USP6NL: variants seen among roughly 807,000 people sequenced by gnomAD.
USP6NL encodes USP6 N-terminal-like protein.
In USP6NL, 26 loss-of-function variants were observed where a neutral mutation model predicts 61.9. The observed-to-expected ratio is 0.42, with a 90% CI of 0.31 to 0.58. The LOEUF (loss-of-function observed/expected upper bound fraction) is 0.58, where lower values mean the gene tolerates loss of function less well. Ranked by LOEUF, USP6NL falls within the 20% of genes least tolerant of loss-of-function variation. USP6NL has a pLI of 0.16. For synonymous variants in USP6NL, 432 were observed against 390.1 expected (o/e 1.11, Z -1.27); for missense variants, 1,114 against 1,034.3 (o/e 1.08, Z -1.06).
intron 7 of USP6NL, among the ~76,000 whole-genome samples, chr10:11,497,443 A>G (rs1332219538): frequency 1.3e-5 from 2 of 151,824 alleles, no homozygotes; most frequent in East Asian, 3.8e-4. Flanking sequence ...AAAAAACAAA[A>G]AAGATAATGG....
Position 11,462,271 on chromosome 10 carries a change from A to C in USP6NL, c.*170T>G, listed in dbSNP as rs1302414887. On this transcript the variant is annotated 3_prime_UTR_variant, in exon 15 of 15. Coordinates refer to ENST00000609104, the MANE Select transcript of USP6NL (RefSeq NM_014688.5). ...TGATGCAATTGAAACGCTCATCTTA[A>C]GCAGCATCTACGTGGGGCTGAAGAC... 11 of 781,852 alleles carry C rather than the reference A, an allele frequency of 1.4e-5. No homozygotes were observed. The highest frequency in any genetic ancestry group is 1.2e-4 in the South Asian group (6 of 50,234). 48.4% of individuals were successfully genotyped at this position (781,852 alleles called of 1,614,324 possible). A position where few individuals can be genotyped will look rare whatever the true frequency, so the allele number is the denominator to read the frequency against.
At chr10:11,505,824 T>C (rs557990397) in intron 6 of USP6NL, among the ~76,000 whole-genome samples, 110 of 152,360 alleles carry the variant, frequency 7.2e-4, no homozygotes, top group Non-Finnish European at 1.3e-3. Flanking sequence ...CTGAGTTTTG[T>C]GCGAGTGTGC....
chr10:11,508,455 T>C (rs1834552362), intron 6 of USP6NL, among the ~76,000 whole-genome samples: 1 of 152,172 alleles, frequency 6.6e-6, no homozygotes, highest in Non-Finnish European at 1.5e-5. Context: ...GCACCGATCA[T>C]AAAAAAGCTA....
At chr10:11,521,189 T>A (rs1835190544) in intron 4 of USP6NL, among the ~76,000 whole-genome samples, 2 of 151,792 alleles carry the variant, frequency 1.3e-5, no homozygotes, top group African/African-American at 4.8e-5. Flanking sequence ...TTGACTATAT[T>A]GACTAAATTT....
At chr10:11,509,143 G>C (rs1021647114) in intron 6 of USP6NL, among the ~76,000 whole-genome samples, 33 of 152,226 alleles carry the variant, frequency 2.2e-4, no homozygotes, top group African/African-American at 8.0e-4. Context: ...TGAAAAAGGA[G>C]ATTGCTCCTG....
chr10:11,490,708 G>A lies in USP6NL; in HGVS notation c.543+124C>T, dbSNP rs906395062. The A allele has an allele frequency of 2.1e-6, 2 of 932,414 alleles. No homozygotes were observed. The highest frequency in any genetic ancestry group is 3.4e-5 in the African/African-American group (2 of 58,816). The allele number at this position is 932,414 out of a possible 1,614,324, so 57.8% of individuals were successfully genotyped here. ...GGGTTTCAGCTTAAAAAGATCCACA[G>A]AGCTAAAGAGACCATGGAGACCACC... On this transcript the variant is annotated intron_variant, in intron 9 of 14. Transcript: ENST00000609104. This position sits in a 1 kb window ranked among gnomAD's most constrained non-coding sequence, Gnocchi z 4.5.
chr10:11,484,106 GA>G (rs1470874251), intron 13 of USP6NL, among the ~76,000 whole-genome samples: 2 of 152,200 alleles, frequency 1.3e-5, no homozygotes, highest in Admixed American at 6.5e-5. Flanking sequence ...AAGCGCAACA[GA>G]TCATTCAAGA....
At chr10:11,505,911 C>A (rs1834409990) in intron 6 of USP6NL, among the ~76,000 whole-genome samples, 1 of 152,206 alleles carries the variant, frequency 6.6e-6, no homozygotes, top group Non-Finnish European at 1.5e-5. Flanking sequence ...CCCTGCTCCA[C>A]TGGCTCCTTT....
At chr10:11,599,637 G>C (rs545278254) in intron 1 of USP6NL, among the ~76,000 whole-genome samples, 1 of 151,688 alleles carries the variant, frequency 6.6e-6, no homozygotes, top group African/African-American at 2.4e-5. Context: ...TTAGTTCTTA[G>C]AAACATTTAT....
chr10:11,521,398 T>G (rs1021458555), intron 4 of USP6NL, among the ~76,000 whole-genome samples: 69 of 149,600 alleles, frequency 4.6e-4, no homozygotes, highest in Non-Finnish European at 8.6e-4. Flanking sequence ...AATTTTTTTT[T>G]TAGACAGAGT....
rs1443837339 is a variant in USP6NL at position 11,528,797 on chromosome 10, G to C, written c.5-1230C>G. 6.6e-6 allele frequency among the ~76,000 whole-genome samples: 1 copy of C among 152,144 alleles called. No homozygotes were observed. Among genetic ancestry groups the C allele is most frequent in the Admixed American group, 6.5e-5 (1 of 15,268 alleles). On this transcript the variant is annotated intron_variant, in intron 2 of 14. Coordinates refer to ENST00000609104, the MANE Select transcript of USP6NL (RefSeq NM_014688.5). This position sits in a 1 kb window ranked among gnomAD's most constrained non-coding sequence, Gnocchi z 4.6. ...AAATCCCCTCCTCAAAGCAAATGGT[G>C]GTTCCTAAGGAGAGGTGGGGTTAAA... is the stretch of plus-strand genomic sequence containing the variant.
At position 11,513,462 on chromosome 10, in the gene USP6NL, T is replaced by C. The variant is rs906652551; in HGVS notation, c.196-3787A>G. 3.3e-5 allele frequency among the ~76,000 whole-genome samples: 5 copies of C among 152,258 alleles called. No homozygotes were observed. In the East Asian group the frequency reaches 9.6e-4, roughly 29 times the overall value. On this transcript the variant is annotated intron_variant, in intron 5 of 14. Coordinates refer to ENST00000609104, the MANE Select transcript of USP6NL (RefSeq NM_014688.5). This position sits in a 1 kb window ranked among gnomAD's most constrained non-coding sequence, Gnocchi z 4.7. ...CTGTTGGCTTCATACACAAACATCT[T>C]AGTTCTCTCAATTTGTATTTTGAAA...
chr10:11,593,368 C>G (rs968892486), intron 2 of USP6NL, among the ~76,000 whole-genome samples: 5 of 151,892 alleles, frequency 3.3e-5, no homozygotes, highest in Non-Finnish European at 5.9e-5. Context: ...ATATATTCTA[C>G]CAAAATAATC....
At chr10:11,604,034 C>G (rs1838635880) in intron 1 of USP6NL, among the ~76,000 whole-genome samples, 1 of 152,166 alleles carries the variant, frequency 6.6e-6, no homozygotes, top group South Asian at 2.1e-4. Context: ...TCTAGGAATT[C>G]AGACCAAGTC....
At position 11,489,016 on chromosome 10, in the gene USP6NL, G is replaced by A; in HGVS notation, c.664+86C>T. 1.3e-6 allele frequency: 2 copies of A among 1,552,006 alleles called. No individual in the cohort carries two copies. Among genetic ancestry groups the A allele is most frequent in the African/African-American group, 2.7e-5 (2 of 73,610 alleles). On this transcript the variant is annotated intron_variant, in intron 10 of 14. Coordinates refer to ENST00000609104, the MANE Select transcript of USP6NL (RefSeq NM_014688.5). The surrounding 1 kb of genome is among the most constrained non-coding windows in gnomAD (Gnocchi z 5.7). ...CCCTGAGACATTAAATTTGCTGTAT[G>A]TAACTCTTGCAAGCATCTTTGGTTT...
chr10:11,588,405 C>A (rs575732911), intron 2 of USP6NL, among the ~76,000 whole-genome samples: 2 of 152,184 alleles, frequency 1.3e-5, no homozygotes, highest in South Asian at 4.1e-4. Flanking sequence ...CGGAACCATA[C>A]ACTGAGGTAC....
rs185238455 is a variant in USP6NL, at chr10:11,589,327, T to C, written c.4+8304A>G. ...TGAAAATTAAATTCAATATCTGCTGTACCATAATTGTCAAAAGTAAACAGT... is the reference window on the plus strand; with the variant it reads ...TGAAAATTAAATTCAATATCTGCTGCACCATAATTGTCAAAAGTAAACAGT... On this transcript the variant is annotated intron_variant, in intron 2 of 14. Coordinates refer to ENST00000609104, the MANE Select transcript of USP6NL (RefSeq NM_014688.5). This position sits in a 1 kb window ranked among gnomAD's most constrained non-coding sequence, Gnocchi z 4.7. 1.7e-3 allele frequency among the ~76,000 whole-genome samples: 256 copies of C among 152,356 alleles called. 1 individual carries two copies. The highest frequency in any genetic ancestry group is 2.8e-3 in the Non-Finnish European group (190 of 68,028).
At chr10:11,502,195 C>T (rs907010820) in intron 6 of USP6NL, among the ~76,000 whole-genome samples, 2 of 150,348 alleles carry the variant, frequency 1.3e-5, no homozygotes, top group Non-Finnish European at 3.0e-5. Context: ...GGAGGCAGAG[C>T]TTGCAGTGAG....
chr10:11,594,901 C>A (rs1203877076), intron 2 of USP6NL, among the ~76,000 whole-genome samples: 1 of 152,122 alleles, frequency 6.6e-6, no homozygotes, highest in African/African-American at 2.4e-5. Flanking sequence ...AACATACAAG[C>A]AAATAAGCAG....
Sources: allele counts gnomAD v4.1 joint callset (sites outside exome capture counted in the v4.1 genomes callset), GRCh38; gene constraint gnomAD v4.1.1; non-coding constraint Gnocchi (gnomAD v3.1); transcripts MANE v1.5; gene names NCBI Gene and HGNC (gene_info 2026-07-23, HGNC 2026-07-21).